The following IFT57 variants were observed in gnomAD, a reference collection of about 807,000 sequenced individuals.
IFT57 encodes intraflagellar transport protein 57 homolog.
A neutral mutation model predicts 56.8 loss-of-function variants in IFT57; 59 were observed. That is an observed-to-expected ratio of 1.04 (90% CI 0.84 to 1.29). IFT57 has a LOEUF of 1.29. Among genes scored for constraint, IFT57 ranks in the 50% most tolerant of loss-of-function variants. The pLI, the probability that IFT57 is intolerant of heterozygous loss-of-function variation, is 0.00. For missense variants in IFT57, 470 were observed against 522.1 expected, an observed-to-expected ratio of 0.90 and a Z score of 0.97; for synonymous variants, 209 against 186.1, an observed-to-expected ratio of 1.12 and a Z score of -1.00.
At chr3:108,219,601 G>A (rs755836659) in intron 1 of IFT57, 29 bp from the exon 2 acceptor site, 16 of 1,603,586 alleles carry the variant, frequency 1.0e-5, no homozygotes, top group South Asian at 5.5e-5. Context: ...GAATGGGGGC[G>A]GATGTGAAAT....
chr3:108,167,442 C>T (rs1431444851), intron 7 of IFT57, among the ~76,000 whole-genome samples: 1 of 151,858 alleles, frequency 6.6e-6, no homozygotes, highest in African/African-American at 2.4e-5. Context: ...TCTGGCAGGA[C>T]AGCAAGCCTG....
chr3:108,203,884 T>C (rs1386556899), intron 5 of IFT57, among the ~76,000 whole-genome samples: 2 of 152,226 alleles, frequency 1.3e-5, no homozygotes, highest in East Asian at 3.9e-4. Flanking sequence ...AGGGAGAAAA[T>C]GCGGCAATCC....
chr3:108,167,053 G>T, intron 7 of IFT57, 68 bp from the exon 8 acceptor site: 2 of 1,405,346 alleles, frequency 1.4e-6, no homozygotes, highest in South Asian at 1.3e-5. Flanking sequence ...TATTAAAAAT[G>T]GGTTACATCT....
Position 108,198,495 on chromosome 3 carries a change from G to A in IFT57, c.655-6852C>T, listed in dbSNP as rs796273443. The stretch of plus-strand genomic sequence containing the variant: ...CTCGCTCTGTCACCCAGGTTGGAGT[G>A]CAGTGGCATGATCTCGGCTCACTGC... On this transcript the variant is annotated intron_variant, in intron 5 of 10. Coordinates refer to ENST00000264538, the MANE Select transcript of IFT57 (RefSeq NM_018010.4). 3.4e-4 allele frequency among the ~76,000 whole-genome samples: 52 copies of A among 152,248 alleles called. 3 individuals are homozygous for A. The highest frequency in any genetic ancestry group is 1.2e-3 in the African/African-American group (48 of 41,550).
Position 108,218,571 on chromosome 3 carries a change from T to C in IFT57, c.458A>G (p.Glu153Gly). The C allele has an allele frequency of 4.5e-6, 7 of 1,560,266 alleles. No individual in the cohort carries two copies. The highest frequency in any genetic ancestry group is 6.1e-6 in the Non-Finnish European group (7 of 1,155,944). The change falls in exon 3 of 11, where the codon GAA (glutamate) becomes GGA (glycine). Residue 153 changes from glutamate to glycine, a missense_variant. Glu to Gly is a moderately conservative substitution (Grantham distance 98). Coordinates refer to ENST00000264538, the MANE Select transcript of IFT57 (RefSeq NM_018010.4). Reference sequence around the variant, plus strand: ...GAAACCAATATATTTCAATGCTTCTTCAGCGAAGCAATCAAGAACATAGCA... The same window carrying C: ...GAAACCAATATATTTCAATGCTTCTCCAGCGAAGCAATCAAGAACATAGCA... ...HVCYVLDCFA[E>G]EALKYIGFTW...
chr3:108,162,860 TGTA>T (rs1390096005), intron 10 of IFT57, among the ~76,000 whole-genome samples: 2 of 152,118 alleles, frequency 1.3e-5, no homozygotes, highest in Non-Finnish European at 2.9e-5. Flanking sequence ...TAGTGTTTGA[TGTA>T]TTGAGACTAA....
rs184183078 is a variant in IFT57, at chr3:108,185,131, C to T, written c.777+6390G>A. On this transcript the variant is annotated intron_variant, in intron 6 of 10. Transcript: ENST00000264538. ...TATGACAGCAGGCACAAAAACCTTTCGCTTTTTGCAAAATACTTTTTCTCT... is the reference window on the plus strand; with the variant it reads ...TATGACAGCAGGCACAAAAACCTTTTGCTTTTTGCAAAATACTTTTTCTCT... Among the ~76,000 whole-genome samples, 21 of 152,248 alleles carry T rather than the reference C, an allele frequency of 1.4e-4. No homozygotes were observed. The East Asian group carries it at 2.9e-3, about 21-fold the overall frequency.
chr3:108,214,817 C>A (rs1254552228), intron 3 of IFT57, among the ~76,000 whole-genome samples: 1 of 152,004 alleles, frequency 6.6e-6, no homozygotes, highest in African/African-American at 2.4e-5. Context: ...TAATGTTTTG[C>A]CTAACCTCTC....
intron 3 of IFT57, among the ~76,000 whole-genome samples, chr3:108,215,874 T>C (rs1245889643): frequency 6.6e-6 from 1 of 152,062 alleles, no homozygotes; most frequent in Admixed American, 6.5e-5. Flanking sequence ...CTTCAATAAA[T>C]GGTGCTAAAA....
chr3:108,206,811 G>GA (rs2080316574), intron 4 of IFT57, 115 bp from the exon 5 acceptor site: 1 of 261,712 alleles, frequency 3.8e-6, no homozygotes, highest in African/African-American at 2.3e-5. Context: ...GACTAGTGTA[G>GA]AAAAGGGTAT....
intron 5 of IFT57, among the ~76,000 whole-genome samples, chr3:108,202,186 G>A (rs938240638): frequency 1.3e-5 from 2 of 152,154 alleles, no homozygotes; most frequent in South Asian, 2.1e-4. Flanking sequence ...TTTTCACTGC[G>A]GGAGGAGAAT....
intron 6 of IFT57, among the ~76,000 whole-genome samples, chr3:108,177,595 C>T (rs956064274): frequency 4.0e-5 from 6 of 151,194 alleles, no homozygotes; most frequent in South Asian, 2.1e-4. Context: ...GGTGGGGGGA[C>T]AGGAGACAAA....
At chr3:108,217,478 T>G (rs542369032) in intron 3 of IFT57, among the ~76,000 whole-genome samples, 1 of 152,192 alleles carries the variant, frequency 6.6e-6, no homozygotes, top group East Asian at 1.9e-4. Flanking sequence ...TTCTTTATAT[T>G]GTACTAAATA....
chr3:108,163,795 T>C, intron 9 of IFT57, 66 bp from the exon 10 acceptor site: 2 of 1,002,212 alleles, frequency 2.0e-6, no homozygotes, highest in Admixed American at 3.7e-5. Flanking sequence ...TTGAATTATG[T>C]GTTAAGAAAA....
chr3:108,171,795 A>AT (rs781024391), intron 6 of IFT57, among the ~76,000 whole-genome samples: 51 of 151,490 alleles, frequency 3.4e-4, no homozygotes, highest in Non-Finnish European at 6.6e-4. Flanking sequence ...ATTATCATTA[A>AT]TTTTTTTTGA....
chr3:108,222,070 G>A (rs1038291585), intron 1 of IFT57, 41 bp downstream of exon 1: 18 of 1,558,054 alleles, frequency 1.2e-5, no homozygotes, highest in Admixed American at 5.8e-5. Flanking sequence ...TCTCCCTGGG[G>A]GCTAGCAGGC....
rs767594828 is a variant in IFT57, at chr3:108,166,977, C to T, written c.858G>A (p.Leu286=). 2 of 1,603,522 alleles carry T rather than the reference C, an allele frequency of 1.2e-6. No individual in the cohort carries two copies. Among genetic ancestry groups the T allele is most frequent in the Non-Finnish European group, 1.7e-6 (2 of 1,175,416 alleles). ...TAGTAATTTCATTATGGAGTTTGTC[C>T]AAAAATCCCTAGAAATTCCATGGAA... ...ESALKETKGF[L]DKLHNEITRT... The change falls in exon 8 of 11, where the codon TTG becomes TTA. Residue 286 remains leucine, a synonymous_variant. Coordinates refer to ENST00000264538, the MANE Select transcript of IFT57 (RefSeq NM_018010.4).
intron 4 of IFT57, 21 bp downstream of exon 4, chr3:108,213,910 A>T: frequency 6.8e-7 from 1 of 1,459,978 alleles, no homozygotes; most frequent in African/African-American, 1.4e-5. Context: ...AAATGAACAG[A>T]AAGTTCAGCT....
In IFT57 at chr3:108,164,260, G is replaced by A. The variant is rs950749443; in HGVS notation, c.1045-531C>T. Among the ~76,000 whole-genome samples the A allele has an allele frequency of 5.1e-4, 78 of 151,922 alleles. 1 individual carries two copies. The highest frequency in any genetic ancestry group is 1.9e-3 in the African/African-American group (77 of 41,474). ...TTGCTTTATCCAAATCATGAACTCC[G>A]AACTCCAAGGAGGCATACTTTGCTG... On this transcript the variant is annotated intron_variant, in intron 9 of 10. Coordinates refer to ENST00000264538, the MANE Select transcript of IFT57 (RefSeq NM_018010.4).
Sources: allele counts gnomAD v4.1 joint callset (sites outside exome capture counted in the v4.1 genomes callset), GRCh38; gene constraint gnomAD v4.1.1; transcripts MANE v1.5; gene names NCBI Gene and HGNC (gene_info 2026-07-23, HGNC 2026-07-21).